Variants in GSE1 observed in about 807,000 individuals in gnomAD.
GSE1 encodes the protein Gse1 coiled-coil protein.
A neutral mutation model predicts 112.6 loss-of-function variants in GSE1; 32 were observed. The observed-to-expected ratio is 0.28, with a 90% confidence interval of 0.21 to 0.38. GSE1 has a LOEUF of 0.38. GSE1 is among the 10% of genes least tolerant of loss of function. The probability of loss-of-function intolerance (pLI) is 1.00; values close to 1 mark genes in which losing one functional copy is unlikely to be tolerated. For synonymous variants in GSE1, 1,115 were observed against 735.6 expected (o/e 1.52, Z -8.35); for missense variants, 2,348 against 1,699.2 (o/e 1.38, Z -6.71).
chr16:85,648,747 G>C lies in GSE1; in HGVS notation c.422G>C (p.Arg141Pro). ...TVNGVWRSES[R>P]QDAGSRSSSG... ...AATGGTGTCTGGAGGAGTGAGAGCC[G>C]GCAGGTGAGTGGGGCGGGGCAGGGA... The change falls in exon 3 of 16, where the codon CGG becomes CCG. Residue 141 changes from arginine (R) to proline (P), a missense_variant. By Grantham distance (103) the Arg-to-Pro change is moderately radical. Coordinates refer to ENST00000253458, the MANE Select transcript of GSE1 (RefSeq NM_014615.5). 6.3e-7 allele frequency: 1 copy of C among 1,579,014 alleles called. No individual in the cohort carries two copies. Among genetic ancestry groups the C allele is most frequent in the Non-Finnish European group, 8.6e-7 (1 of 1,162,884 alleles).
chr16:85,647,448 G>C (rs914691741), intron 2 of GSE1, among the ~76,000 whole-genome samples: 1 of 152,194 alleles, frequency 6.6e-6, no homozygotes, highest in African/African-American at 2.4e-5. Flanking sequence ...CTCATTTTCT[G>C]AAATTTAAAA....
chr16:85,503,276 G>T (rs1019831040), intron 2 of GSE1, among the ~76,000 whole-genome samples: 3 of 152,232 alleles, frequency 2.0e-5, no homozygotes, highest in African/African-American at 7.2e-5. Flanking sequence ...CTCACGGAGG[G>T]TCAGCTGCCA....
At chr16:85,276,376 T>G (rs947007360) in intron 1 of GSE1, among the ~76,000 whole-genome samples, 1 of 152,226 alleles carries the variant, frequency 6.6e-6, no homozygotes, top group Non-Finnish European at 1.5e-5. Context: ...TGGTACGCAC[T>G]GGACCAGGAA....
At chr16:85,227,879 C>T (rs1035397735) in intron 1 of GSE1, among the ~76,000 whole-genome samples, 9 of 152,342 alleles carry the variant, frequency 5.9e-5, no homozygotes, top group Admixed American at 3.3e-4. Flanking sequence ...AGAGGGAGGG[C>T]CCTACCTTCA....
chr16:85,586,619 C>T (rs941981273), intron 1 of GSE1, among the ~76,000 whole-genome samples: 26 of 152,246 alleles, frequency 1.7e-4, no homozygotes, highest in African/African-American at 5.3e-4. Context: ...AACGTGCTCA[C>T]GGGCCCGACG....
At chr16:85,322,675 G>T (rs2046135706) in intron 1 of GSE1, among the ~76,000 whole-genome samples, 1 of 150,632 alleles carries the variant, frequency 6.6e-6, no homozygotes, top group Non-Finnish European at 1.5e-5. Flanking sequence ...CAGTGCAATG[G>T]CGTGATCTTG....
chr16:85,462,681 GGCGGCGGGGGCGCC>G lies in GSE1; in HGVS notation c.2464+105045_2464+105058del, dbSNP rs1333677782. Reference sequence around the variant, plus strand: ...TGCCCGGGGAGCGCGGGCGGGGGAGGGCGGCGGGGGCGCCGCGGCGCGGGAGGGAGGCGGGAGGC... The same window carrying G: ...TGCCCGGGGAGCGCGGGCGGGGGAGGGCGGCGCGGGAGGGAGGCGGGAGGC... On this transcript the variant is annotated intron_variant, in intron 2 of 2. Coordinates refer to the GSE1 transcript ENST00000637419. Among the ~76,000 whole-genome samples, 241 of 140,774 alleles carry G rather than the reference GGCGGCGGGGGCGCC, an allele frequency of 1.7e-3. 2 individuals are homozygous for G. The highest frequency in any genetic ancestry group is 3.8e-3 in the Admixed American group (55 of 14,474). 92.4% of individuals were successfully genotyped at this position (140,774 alleles called of 152,430 possible).
chr16:85,483,156 T>G (rs1242826467), intron 2 of GSE1, among the ~76,000 whole-genome samples: 1 of 152,244 alleles, frequency 6.6e-6, no homozygotes, highest in Non-Finnish European at 1.5e-5. Context: ...ATGAATTTCC[T>G]GTTTACACTT....
chr16:85,663,934 C>T (rs941742975), intron 11 of GSE1, among the ~76,000 whole-genome samples: 1 of 152,386 alleles, frequency 6.6e-6, no homozygotes, highest in African/African-American at 2.4e-5. Flanking sequence ...GGGGAGGTGC[C>T]AGGTGTTCCA....
In GSE1 at chr16:85,675,073, A is replaced by AACTT. The variant is rs2053609772; in HGVS notation, c.*2539_*2542dup. On this transcript the variant is annotated 3_prime_UTR_variant, in exon 16 of 16. Coordinates refer to ENST00000253458, the MANE Select transcript of GSE1 (RefSeq NM_014615.5). ...CCAACTATTAGTTTCATACTTTGAA[A>AACTT]ACTTACTTTCAGATTATTCTCAAAG... The AACTT allele has an allele frequency of 6.6e-6, 1 of 152,340 alleles. No individual in the cohort carries two copies. The highest frequency in any genetic ancestry group is 1.9e-4 in the East Asian group (1 of 5,204). The allele number at this position is 152,340 out of a possible 1,614,324, so 9.4% of individuals were successfully genotyped here. A position where few individuals can be genotyped will look rare whatever the true frequency, so the allele number is the denominator to read the frequency against.
At chr16:85,424,237 G>A (rs1399599825) in intron 2 of GSE1, among the ~76,000 whole-genome samples, 1 of 152,278 alleles carries the variant, frequency 6.6e-6, no homozygotes, top group East Asian at 1.9e-4. Context: ...GGATGGAACA[G>A]GGCACAAAGC....
intron 3 of GSE1, 79 bp from the exon 4 acceptor site, chr16:85,654,199 A>G: frequency 7.6e-7 from 1 of 1,323,574 alleles, no homozygotes; most frequent in Non-Finnish European, 1.0e-6. Flanking sequence ...CCTTCCCGTG[A>G]GTCAGGAGAC....
At chr16:85,177,773 C>T (rs116835292) in intron 1 of GSE1, among the ~76,000 whole-genome samples, 8 of 152,116 alleles carry the variant, frequency 5.3e-5, no homozygotes, top group East Asian at 1.9e-4. Context: ...GACCCCAAAA[C>T]GCCATGGGGT....
At chr16:85,653,783 C>T (rs550104220) in intron 3 of GSE1, among the ~76,000 whole-genome samples, 4 of 152,324 alleles carry the variant, frequency 2.6e-5, no homozygotes, top group Non-Finnish European at 4.4e-5. Context: ...TCCACGTGGG[C>T]ACCAGGGCCA....
chr16:85,612,228 G>T (rs956327478), upstream of GSE1, among the ~76,000 whole-genome samples: 4 of 149,928 alleles, frequency 2.7e-5, no homozygotes, highest in African/African-American at 9.9e-5. Flanking sequence ...GGACGCGCCC[G>T]CCGCGATGGG....
chr16:85,231,447 G>A (rs1174333507), intron 1 of GSE1, among the ~76,000 whole-genome samples: 3 of 151,964 alleles, frequency 2.0e-5, no homozygotes, highest in Non-Finnish European at 4.4e-5. Flanking sequence ...TGAATGGATG[G>A]ATGGAAGGAT....
At position 85,304,789 on chromosome 16, in the gene GSE1, C is replaced by T. The variant is rs186178143; in HGVS notation, c.2284-52674C>T. On this transcript the variant is annotated intron_variant, in intron 1 of 2. Coordinates refer to the GSE1 transcript ENST00000637419. Reference sequence around the variant, plus strand: ...ACTGGGGATAAGACAGCGACCAGGCCGCTCTGCAGCCACAGAATGACTCAA... The same window carrying T: ...ACTGGGGATAAGACAGCGACCAGGCTGCTCTGCAGCCACAGAATGACTCAA... 7.4e-4 allele frequency among the ~76,000 whole-genome samples: 113 copies of T among 152,314 alleles called. 2 individuals carry two copies. The Middle Eastern group carries it at 0.017, about 23-fold the overall frequency.
At chr16:85,645,745 G>T (rs989064107) in intron 2 of GSE1, among the ~76,000 whole-genome samples, 1 of 152,226 alleles carries the variant, frequency 6.6e-6, no homozygotes, top group Admixed American at 6.5e-5. Context: ...AACAGAAGTC[G>T]GGCAGGATGC....
chr16:85,648,939 G>C (rs1033696047), intron 3 of GSE1, among the ~76,000 whole-genome samples, 188 bp downstream of exon 3: 4 of 152,152 alleles, frequency 2.6e-5, no homozygotes, highest in Admixed American at 6.5e-5. Context: ...GCCCTGTGCG[G>C]GTGAGTACAT....
Sources: gnomAD v4.1 joint callset for allele counts (sites outside exome capture counted in the v4.1 genomes callset) on GRCh38, gnomAD v4.1.1 for gene constraint, MANE v1.5 for transcripts, NCBI Gene and HGNC (gene_info 2026-07-23, HGNC 2026-07-21) for gene names.